TNRC18: variants seen among roughly 807,000 people sequenced by gnomAD.
The protein encoded by TNRC18 is trinucleotide repeat containing 18.
A neutral mutation model predicts 226.7 loss-of-function variants in TNRC18; 69 were observed. The ratio of observed to expected loss-of-function variants is 0.30; its 90% CI spans 0.25 to 0.37. The LOEUF (loss-of-function observed/expected upper bound fraction) is 0.37, where lower values mean the gene tolerates loss of function less well. Ranked by LOEUF, TNRC18 falls within the 10% of genes least tolerant of loss-of-function variation. The probability of loss-of-function intolerance (pLI) is 1.00; values close to 1 mark genes in which losing one functional copy is unlikely to be tolerated. For synonymous variants in TNRC18, 2,449 were observed against 1,927.6 expected (o/e 1.27, Z -7.09); for missense variants, 4,754 against 4,256.6 (o/e 1.12, Z -3.25).
chr7:5,413,528 GTTTCT>G (rs1368387503), intron 2 of TNRC18, among the ~76,000 whole-genome samples: 4 of 152,158 alleles, frequency 2.6e-5, no homozygotes, highest in East Asian at 1.9e-4. Flanking sequence ...ACCCAGCCTC[GTTTCT>G]TTTATGTTTT....
intron 2 of TNRC18, among the ~76,000 whole-genome samples, chr7:5,399,745 C>G (rs1315345748): frequency 6.6e-6 from 1 of 152,098 alleles, no homozygotes; most frequent in Non-Finnish European, 1.5e-5. Flanking sequence ...ACAGCCGGCA[C>G]GATGGCTCAC....
intron 18 of TNRC18, among the ~76,000 whole-genome samples, chr7:5,344,595 G>T (rs1790984202): frequency 6.6e-6 from 1 of 152,172 alleles, no homozygotes; most frequent in African/African-American, 2.4e-5. Context: ...GGGCAGCTGG[G>T]GGGCCTTCAG....
rs764690845 is a variant in TNRC18 at position 5,313,634 on chromosome 7, G to A, written c.7257C>T (p.Ala2419=). 33 of 1,603,276 alleles carry A rather than the reference G, an allele frequency of 2.1e-5. No homozygotes were observed. In the East Asian group the frequency reaches 3.6e-4, roughly 17 times the overall value. ...PEPFAELPAP[A]TSLAPAPLIT... ...TGAGGGGTGCTGGGGCCAGGGAGGTGGCAGGAGCTGGCAGCTCTGCAAATG... is the reference window on the plus strand; with the variant it reads ...TGAGGGGTGCTGGGGCCAGGGAGGTAGCAGGAGCTGGCAGCTCTGCAAATG... The change falls in exon 27 of 30, where the codon GCC becomes GCT. Residue 2419 remains alanine (A), a synonymous_variant. Transcript: ENST00000430969.
intron 17 of TNRC18, among the ~76,000 whole-genome samples, chr7:5,346,459 G>C (rs1375222426): frequency 6.6e-6 from 1 of 152,130 alleles, no homozygotes; most frequent in Admixed American, 6.5e-5. Flanking sequence ...TCGCATCACT[G>C]CACTCCAGCC....
At chr7:5,341,132 C>T (rs11767589) in intron 18 of TNRC18, among the ~76,000 whole-genome samples, 21,839 of 151,876 alleles carry the variant, frequency 0.14, 1,955 homozygotes, top group Middle Eastern at 0.21. Flanking sequence ...GAACAACAGG[C>T]CGGGTGCAGT....
At position 5,387,757 on chromosome 7, in the gene TNRC18, G is replaced by A. The variant is rs2128192393; in HGVS notation, c.2067C>T (p.Ala689=). 3.1e-6 allele frequency: 5 copies of A among 1,607,790 alleles called. No individual in the cohort carries two copies. In the South Asian group the frequency reaches 4.4e-5, roughly 14 times the overall value. The change falls in exon 5 of 30, where the codon GCC becomes GCT. Residue 689 remains alanine, a synonymous_variant. Transcript: ENST00000430969. ...HPPVGIAVAV[A]RQKDSGGSGR... is the part of the protein sequence containing the mutation. ...CACTGCCGCCACTGTCCTTCTGCCG[G>A]GCCACAGCCACTGCAATGCCCACAG...
chr7:5,389,632 T>C (rs925305248), intron 4 of TNRC18: 1 of 209,184 alleles, frequency 4.8e-6, no homozygotes, highest in African/African-American at 2.3e-5. Context: ...TTATTGTATT[T>C]TTAATACAGG....
chr7:5,361,445 C>T (rs1429419348), intron 14 of TNRC18, 149 bp downstream of exon 14: 3 of 977,088 alleles, frequency 3.1e-6, no homozygotes, highest in East Asian at 6.1e-5. Context: ...GCAGCACAGG[C>T]CGTGCTCCCC....
rs368772099 is a variant in TNRC18 at position 5,340,257 on chromosome 7, G to A, written c.5719+5305C>T. Reference sequence around the variant, plus strand: ...AAGAAAGTGAAACAGGTTCATTGCTGACATAGAGAAAGTTTGAGTGATCTG... The same window carrying A: ...AAGAAAGTGAAACAGGTTCATTGCTAACATAGAGAAAGTTTGAGTGATCTG... On this transcript the variant is annotated intron_variant, in intron 18 of 29. Transcript: ENST00000430969. 2.6e-5 allele frequency among the ~76,000 whole-genome samples: 4 copies of A among 152,184 alleles called. No individual in the cohort carries two copies. The East Asian group carries it at 5.8e-4, about 22-fold the overall frequency.
intron 5 of TNRC18, among the ~76,000 whole-genome samples, chr7:5,382,188 T>G (rs1248615221): frequency 6.6e-6 from 1 of 152,030 alleles, no homozygotes; most frequent in Non-Finnish European, 1.5e-5. Flanking sequence ...GTCACAAGAC[T>G]AACATGGAGG....
In TNRC18 at chr7:5,388,156, A is replaced by G; in HGVS notation, c.1668T>C (p.Ala556=). Residue 556 remains alanine (A), a synonymous_variant, in exon 5 of 30, where the codon GCT becomes GCC. Coordinates refer to ENST00000430969, the MANE Select transcript of TNRC18 (RefSeq NM_001080495.3). Reference sequence around the variant, plus strand: ...AGGTGGCCGCCGAGCGGGGCAGCACAGCCCCAGGGTCCAGGTAGGCCTTCT... The same window carrying G: ...AGGTGGCCGCCGAGCGGGGCAGCACGGCCCCAGGGTCCAGGTAGGCCTTCT... ...SSKKAYLDPG[A]VLPRSAATCG... 4 of 1,570,444 alleles carry G rather than the reference A, an allele frequency of 2.5e-6. No homozygotes were observed. Among genetic ancestry groups the G allele is most frequent in the Non-Finnish European group, 3.4e-6 (4 of 1,159,772 alleles).
At chr7:5,326,885 G>A (rs1330228541) in intron 19 of TNRC18, among the ~76,000 whole-genome samples, 1 of 151,864 alleles carries the variant, frequency 6.6e-6, no homozygotes, top group African/African-American at 2.4e-5. Context: ...AGCACTTTGG[G>A]AGGCCGAGGC....
At chr7:5,397,185 CCCAAGCCGGGGCAGCAGGGCCT>C (rs1409599671) in intron 2 of TNRC18, among the ~76,000 whole-genome samples, 4 of 152,288 alleles carry the variant, frequency 2.6e-5, no homozygotes, top group South Asian at 2.1e-4. Context: ...ATCCATGCGG[CCCAAGCCGGGGCAGCAGGGCCT>C]CCAAGCCCTG....
chr7:5,377,031 GC>G lies in TNRC18; in HGVS notation c.2462-39del, dbSNP rs1198370703. The G allele has an allele frequency of 1.2e-5, 19 of 1,547,554 alleles. 1 individual carries two copies. In the East Asian group the frequency reaches 4.1e-4, roughly 33 times the overall value. On this transcript the variant is annotated intron_variant, in intron 7 of 29. Transcript: ENST00000430969. This position sits in a 1 kb window ranked among gnomAD's most constrained non-coding sequence, Gnocchi z 5.8. ...GCCCAGGCCTGAGTCAGTGCTGGGA[GC>G]CCCCAAGCGGTTTGTCCTCGGGCAG...
rs1787472674 is a variant in TNRC18 at position 5,313,278 on chromosome 7, G to A, written c.7613C>T (p.Ser2538Phe). ...EPGPGLTFEDSGNPKSPDKAQ... is the reference protein window; with the variant it reads ...EPGPGLTFEDFGNPKSPDKAQ... ...CTTGTCTGGGCTCTTGGGGTTCCCA[G>A]AGTCCTCGAACGTGAGCCCCGGCCC... is the stretch of plus-strand genomic sequence containing the variant. Residue 2538 changes from serine to phenylalanine, a missense_variant, in exon 27 of 30, where the codon TCT becomes TTT. Physicochemically the swap from Ser to Phe is radical, Grantham distance 155. Coordinates refer to ENST00000430969, the MANE Select transcript of TNRC18 (RefSeq NM_001080495.3). 1.3e-6 allele frequency: 2 copies of A among 1,548,612 alleles called. No individual in the cohort carries two copies. Among genetic ancestry groups the A allele is most frequent in the Non-Finnish European group, 8.7e-7 (1 of 1,146,626 alleles).
chr7:5,421,383 G>C lies in TNRC18; in HGVS notation c.-137C>G. ...CGCGGCGTGCATGGCGGCGGCCAGC[G>C]GGGCTTGCGCTCGGCGGCGGGCCCG... On this transcript the variant is annotated 5_prime_UTR_variant, in exon 2 of 30. Transcript: ENST00000430969. The C allele has an allele frequency of 2.4e-6, 2 of 850,606 alleles. No homozygotes were observed. Among genetic ancestry groups the C allele is most frequent in the Non-Finnish European group, 3.0e-6 (2 of 663,390 alleles). The allele number at this position is 850,606 out of a possible 1,614,324, so 52.7% of individuals were successfully genotyped here. A position where few individuals can be genotyped will look rare whatever the true frequency, so the allele number is the denominator to read the frequency against.
At chr7:5,395,115 C>T (rs2128203819) in intron 2 of TNRC18, among the ~76,000 whole-genome samples, 1 of 152,316 alleles carries the variant, frequency 6.6e-6, no homozygotes, top group Middle Eastern at 3.4e-3. Context: ...CCCCGTGTGC[C>T]CATTTCACAG....
intron 4 of TNRC18, 127 bp from the exon 5 acceptor site, chr7:5,389,463 T>TTTTTTTTTTGTTTTTTG: frequency 9.4e-7 from 1 of 1,068,444 alleles, no homozygotes; most frequent in African/African-American, 1.9e-5. Context: ...TGGTTTTGGT[T>TTTTTTTTTTGTTTTTTG]TTTTTTTTCA....
At chr7:5,403,402 C>T (rs1241562651) in intron 2 of TNRC18, among the ~76,000 whole-genome samples, 19 of 152,168 alleles carry the variant, frequency 1.2e-4, no homozygotes, top group Admixed American at 1.3e-4. Flanking sequence ...TCAGGTGATC[C>T]GCCCGCCTCG....
Sources: gnomAD v4.1 joint callset for allele counts (sites outside exome capture counted in the v4.1 genomes callset) on GRCh38, gnomAD v4.1.1 for gene constraint, Gnocchi (gnomAD v3.1) non-coding constraint, MANE v1.5 for transcripts, NCBI Gene and HGNC (gene_info 2026-07-23, HGNC 2026-07-21) for gene names.